The following ZNF366 variants were observed in gnomAD, a reference collection of about 807,000 sequenced individuals.
ZNF366 encodes zinc finger protein 366.
ZNF366 carries 20 observed loss-of-function variants against 47.2 expected under a neutral mutation model. The ratio of observed to expected loss-of-function variants is 0.42; its 90% CI spans 0.30 to 0.62. The LOEUF (loss-of-function observed/expected upper bound fraction) is 0.62, where lower values mean the gene tolerates loss of function less well. Ranked by LOEUF, ZNF366 falls within the 20% of genes least tolerant of loss-of-function variation. ZNF366 has a pLI of 0.16. For missense variants in ZNF366, 987 were observed against 976.3 expected, an observed-to-expected ratio of 1.01 and a Z score of -0.15; for synonymous variants, 421 against 395.1, an observed-to-expected ratio of 1.07 and a Z score of -0.78.
chr5:72,490,089 T>A (rs1045126680), intron 1 of ZNF366, among the ~76,000 whole-genome samples: 5 of 152,218 alleles, frequency 3.3e-5, no homozygotes, highest in Non-Finnish European at 5.9e-5. Flanking sequence ...CCTTGCTGAC[T>A]CCTTAAGACT....
chr5:72,460,330 G>T lies in ZNF366; in HGVS notation c.1167C>A (p.Gly389=). 6.2e-7 allele frequency: 1 copy of T among 1,614,252 alleles called. No individual in the cohort carries two copies. Among genetic ancestry groups the T allele is most frequent in the Middle Eastern group, 1.6e-4 (1 of 6,062 alleles). ...QLKRHLTTHR[G]PIQYNCSECD... is the part of the protein sequence containing the mutation. ...ACTCGGAGCAGTTGTACTGGATGGGGCCCCGGTGCGTGGTGAGGTGTCTCT... is the reference window on the plus strand; with the variant it reads ...ACTCGGAGCAGTTGTACTGGATGGGTCCCCGGTGCGTGGTGAGGTGTCTCT... Residue 389 remains glycine (G), a synonymous_variant, in exon 2 of 5, where the codon GGC becomes GGA. Transcript: ENST00000318442.
intron 3 of ZNF366, among the ~76,000 whole-genome samples, chr5:72,454,362 C>T (rs1324303006): frequency 6.6e-6 from 1 of 152,190 alleles, no homozygotes; most frequent in Non-Finnish European, 1.5e-5. Context: ...AGAGAGAACC[C>T]TCTAGATCCT....
chr5:72,444,607 A>G (rs1366407669), intron 4 of ZNF366, among the ~76,000 whole-genome samples: 1 of 138,434 alleles, frequency 7.2e-6, no homozygotes. Context: ...GCATATCACC[A>G]TATTTTTTTT....
rs777194194 is a variant in ZNF366, at chr5:72,440,192, G to A, written c.*3564C>T. 6.6e-5 allele frequency: 10 copies of A among 152,276 alleles called. No individual in the cohort carries two copies. The highest frequency in any genetic ancestry group is 1.9e-4 in the East Asian group (1 of 5,192). The allele number at this position is 152,276 out of a possible 1,614,324, so 9.4% of individuals were successfully genotyped here. On this transcript the variant is annotated 3_prime_UTR_variant, in exon 5 of 5. Transcript: ENST00000318442. ...ACCATGTTAATATTTTATTAAATGC[G>A]TTCAGGGCTTAATAAATACAGTATG... is the stretch of plus-strand genomic sequence containing the variant.
intron 2 of ZNF366, among the ~76,000 whole-genome samples, chr5:72,459,657 C>T (rs954034265): frequency 1.4e-4 from 21 of 152,378 alleles, no homozygotes; most frequent in South Asian, 8.3e-4. Flanking sequence ...AGCTCTGCTT[C>T]CCTTGGAGAA....
chr5:72,473,486 C>T (rs1743611581), intron 1 of ZNF366, among the ~76,000 whole-genome samples: 1 of 152,190 alleles, frequency 6.6e-6, no homozygotes, highest in South Asian at 2.1e-4. Flanking sequence ...AACTCTGTTC[C>T]CCTTCTCTCT....
chr5:72,466,077 T>G (rs1004191232), intron 1 of ZNF366, among the ~76,000 whole-genome samples: 2 of 152,214 alleles, frequency 1.3e-5, no homozygotes, highest in African/African-American at 4.8e-5. Context: ...GTCTGTTTTC[T>G]AAGCTGAAGC....
intron 4 of ZNF366, among the ~76,000 whole-genome samples, chr5:72,446,719 A>T (rs1742968064): frequency 6.6e-6 from 1 of 152,130 alleles, no homozygotes; most frequent in African/African-American, 2.4e-5. Flanking sequence ...CTACCAACAT[A>T]CTTCTGCTAA....
intron 1 of ZNF366, among the ~76,000 whole-genome samples, chr5:72,484,280 C>T: frequency 6.6e-6 from 1 of 151,620 alleles, no homozygotes; most frequent in Non-Finnish European, 1.5e-5. Flanking sequence ...GTCAGGAGAT[C>T]GAGACCATCC....
At chr5:72,494,314 G>A (rs965435753) in intron 1 of ZNF366, 28 of 152,164 alleles carry the variant, frequency 1.8e-4, no homozygotes, top group African/African-American at 6.8e-4. Flanking sequence ...GATAATAAGA[G>A]CTGTTATTTC....
intron 2 of ZNF366, among the ~76,000 whole-genome samples, chr5:72,459,365 A>C (rs1330195341): frequency 6.6e-6 from 1 of 152,198 alleles, no homozygotes; most frequent in Non-Finnish European, 1.5e-5. Flanking sequence ...TCGGAGGCTC[A>C]GAGCAGGTTC....
At chr5:72,482,372 A>G (rs1743805718) in intron 1 of ZNF366, among the ~76,000 whole-genome samples, 1 of 152,190 alleles carries the variant, frequency 6.6e-6, no homozygotes, top group Non-Finnish European at 1.5e-5. Flanking sequence ...GTAGGGTCCC[A>G]GGCTCAACGT....
chr5:72,492,704 A>G (rs989824490), intron 1 of ZNF366, among the ~76,000 whole-genome samples: 3 of 152,220 alleles, frequency 2.0e-5, no homozygotes, highest in Non-Finnish European at 2.9e-5. Flanking sequence ...TAAGCTAGCT[A>G]AACATTGAGC....
intron 3 of ZNF366, among the ~76,000 whole-genome samples, chr5:72,451,494 G>T (rs1412321102): frequency 6.6e-6 from 1 of 152,234 alleles, no homozygotes; most frequent in Admixed American, 6.5e-5. Flanking sequence ...AATAGTCATT[G>T]TTTCCTATGA....
At position 72,443,837 on chromosome 5, in the gene ZNF366, T is replaced by C; in HGVS notation, c.2154A>G (p.Leu718=). The C allele has an allele frequency of 1.9e-6, 3 of 1,614,216 alleles. No homozygotes were observed. Among genetic ancestry groups the C allele is most frequent in the Non-Finnish European group, 2.5e-6 (3 of 1,180,046 alleles). The change falls in exon 5 of 5, where the codon TTA becomes TTG. Residue 718 remains leucine (L), a synonymous_variant. Transcript: ENST00000318442. ...AACTCTCATCTCTGTGCTTGAAGTA[T>C]AAGTAATCAGAAAAAGAGGGGCCCC... ...TRRGPSFSDY[L]YFKHRDESLK...
At position 72,444,029 on chromosome 5, in the gene ZNF366, G is replaced by A. The variant is rs143676737; in HGVS notation, c.1962C>T (p.His654=). 5.4e-4 allele frequency: 874 copies of A among 1,614,130 alleles called. 9 individuals carry two copies. In the African/African-American group the frequency reaches 0.01, roughly 19 times the overall value. The change falls in exon 5 of 5, where the codon CAC becomes CAT. Residue 654 remains histidine (H), a synonymous_variant. Transcript: ENST00000318442. ...TPEDLSTKSE[H]APEVLEEACK... ...AGGCTTCCTCCAGCACCTCGGGGGCGTGCTCCGACTTGGTGGACAGATCCT... is the reference window on the plus strand; with the variant it reads ...AGGCTTCCTCCAGCACCTCGGGGGCATGCTCCGACTTGGTGGACAGATCCT...
intron 3 of ZNF366, among the ~76,000 whole-genome samples, chr5:72,451,099 G>C (rs999540547): frequency 6.6e-6 from 1 of 152,158 alleles, no homozygotes; most frequent in Non-Finnish European, 1.5e-5. Flanking sequence ...TGCCCAAGCA[G>C]GACCTGCTGA....
intron 2 of ZNF366, 35 bp from the exon 3 acceptor site, chr5:72,456,630 G>A: frequency 6.5e-7 from 1 of 1,545,116 alleles, no homozygotes; most frequent in Non-Finnish European, 8.8e-7. Context: ...AGTGGTGATT[G>A]ACAGGTAACA....
intron 1 of ZNF366, among the ~76,000 whole-genome samples, chr5:72,467,701 G>A (rs892266732): frequency 6.6e-6 from 1 of 152,112 alleles, no homozygotes; most frequent in Non-Finnish European, 1.5e-5. Context: ...ACTCTTCCAC[G>A]AAAGAGAGAA....
Sources: allele counts gnomAD v4.1 joint callset (sites outside exome capture counted in the v4.1 genomes callset), GRCh38; gene constraint gnomAD v4.1.1; transcripts MANE v1.5; gene names NCBI Gene and HGNC (gene_info 2026-07-23, HGNC 2026-07-21).